Variants in SDE2 observed in about 807,000 individuals in gnomAD.
SDE2 encodes the protein spliceosome associated SDE2.
SDE2 carries 31 observed loss-of-function variants against 46.9 expected under a neutral mutation model. The ratio of observed to expected loss-of-function variants is 0.66; its 90% CI spans 0.50 to 0.89. SDE2 has a LOEUF of 0.89. SDE2 is among the 40% of genes least tolerant of loss of function. The pLI is 0.00. For missense variants in SDE2, 542 were observed against 564.4 expected (o/e 0.96, Z 0.40); for synonymous variants, 205 against 204.3 (o/e 1.00, Z -0.03).
intron 1 of SDE2, among the ~76,000 whole-genome samples, chr1:225,996,399 G>GA (rs1656527114): frequency 6.6e-6 from 1 of 152,098 alleles, no homozygotes; most frequent in Non-Finnish European, 1.5e-5. Context: ...TATGAAGGCA[G>GA]AAAGTATACA....
chr1:225,994,584 C>T (rs1656478176), intron 2 of SDE2, among the ~76,000 whole-genome samples: 1 of 152,214 alleles, frequency 6.6e-6, no homozygotes, highest in Non-Finnish European at 1.5e-5. Flanking sequence ...AAACCTTAAT[C>T]TGCCTCAACT....
In SDE2 at chr1:225,985,393, C is replaced by T. The variant is rs545737099; in HGVS notation, c.1265G>A (p.Arg422Gln). ...TCTGACAGAGAAGAGTCTTGCTGCC[C>T]GCTCCTGCAGAGTGCCCCCACATTT... Reference protein sequence around the residue: ...GLKCGGTLQERAARLFSVRGL... With the variant: ...GLKCGGTLQEQAARLFSVRGL... Residue 422 changes from arginine to glutamine, a missense_variant, in exon 7 of 7, where the codon CGG becomes CAG. Physicochemically the swap from Arg to Gln is conservative, Grantham distance 43. Coordinates refer to ENST00000272091, the MANE Select transcript of SDE2 (RefSeq NM_152608.4). 12 of 1,614,146 alleles carry T rather than the reference C, an allele frequency of 7.4e-6. No individual in the cohort carries two copies. Among genetic ancestry groups the T allele is most frequent in the East Asian group, 4.5e-5 (2 of 44,884 alleles).
Position 225,985,327 on chromosome 1 carries a change from T to C in SDE2, c.1331A>G (p.Lys444Arg), listed in dbSNP as rs974863736. Reference protein sequence around the residue: ...KEQIDPALFAKPLKGKKK With the variant: ...KEQIDPALFARPLKGKKK ...TCATTTTTTCTTCCCTTTCAAAGGC[T>C]TGGCAAATAAAGCCGGGTCAATTTG... Residue 444 changes from lysine to arginine, a missense_variant, in exon 7 of 7, where the codon AAG becomes AGG. By Grantham distance (26) the Lys-to-Arg change is conservative. Transcript: ENST00000272091. 2 of 1,614,056 alleles carry C rather than the reference T, an allele frequency of 1.2e-6. No homozygotes were observed. Among genetic ancestry groups the C allele is most frequent in the Non-Finnish European group, 1.7e-6 (2 of 1,179,988 alleles).
intron 1 of SDE2, among the ~76,000 whole-genome samples, chr1:225,997,156 G>A (rs969041474): frequency 4.6e-5 from 7 of 151,984 alleles, no homozygotes; most frequent in African/African-American, 1.7e-4. Context: ...TGTAGTGTGG[G>A]GGAAACAAAA....
Position 225,985,316 on chromosome 1 carries a change from C to T in SDE2, c.1342G>A (p.Gly448Arg), listed in dbSNP as rs775082237. 6.2e-7 allele frequency: 1 copy of T among 1,613,742 alleles called. No homozygotes were observed. Among genetic ancestry groups the T allele is most frequent in the Non-Finnish European group, 8.5e-7 (1 of 1,179,770 alleles). The change falls in exon 7 of 7, where the codon GGG becomes AGG. Residue 448 changes from glycine (G) to arginine (R), a missense_variant. By Grantham distance (125) the Gly-to-Arg change is moderately radical. Around this residue, in one of 3 missense-constraint regions of SDE2, gnomAD observed 401 missense variants for 437.8 expected, o/e 0.92. Coordinates refer to ENST00000272091, the MANE Select transcript of SDE2 (RefSeq NM_152608.4). The stretch of plus-strand genomic sequence containing the variant: ...TCTGATGATACTCATTTTTTCTTCC[C>T]TTTCAAAGGCTTGGCAAATAAAGCC... Reference protein sequence around the residue: ...DPALFAKPLKGKKK With the variant: ...DPALFAKPLKRKKK
chr1:225,988,381 T>C lies in SDE2; in HGVS notation c.649A>G (p.Met217Val). Reference sequence around the variant, plus strand: ...CCTTCTGCAGTCTCTAGTCCCTCCATGCCCAACCTGTCAGAAGCAACAGAA... The same window carrying C: ...CCTTCTGCAGTCTCTAGTCCCTCCACGCCCAACCTGTCAGAAGCAACAGAA... ...AGKRRCFWLG[M>V]EGLETAEGSN... Residue 217 changes from methionine (M) to valine (V), a missense_variant, in exon 6 of 7, where the codon ATG becomes GTG. Met to Val is a conservative substitution (Grantham distance 21, BLOSUM62 1). Coordinates refer to ENST00000272091, the MANE Select transcript of SDE2 (RefSeq NM_152608.4). The C allele has an allele frequency of 6.2e-7, 1 of 1,613,708 alleles. No individual in the cohort carries two copies. Among genetic ancestry groups the C allele is most frequent in the South Asian group, 1.1e-5 (1 of 91,070 alleles).
chr1:225,989,734 G>A (rs538970988), intron 5 of SDE2, among the ~76,000 whole-genome samples: 2 of 151,676 alleles, frequency 1.3e-5, no homozygotes, highest in Non-Finnish European at 2.9e-5. Flanking sequence ...GTTTTACAGA[G>A]GTGTTTCCCA....
intron 1 of SDE2, among the ~76,000 whole-genome samples, chr1:225,998,051 C>T (rs1447470950): frequency 6.6e-6 from 1 of 151,912 alleles, no homozygotes; most frequent in Non-Finnish European, 1.5e-5. Flanking sequence ...CGCTTGAACT[C>T]AGCGAGGCGG....
rs755371974 is a variant in SDE2, at chr1:225,995,344, C to T, written c.160G>A (p.Ala54Thr). 6.2e-7 allele frequency: 1 copy of T among 1,612,144 alleles called. No homozygotes were observed. The highest frequency in any genetic ancestry group is 8.5e-7 in the Non-Finnish European group (1 of 1,178,400). ...ACTGTGTCACTGGTGTTAATGAGTG[C>T]TCCATTGCATTTCACAAAGAAGTTT... ...VENFFVKCNG[A>T]LINTSDTVQH... Residue 54 changes from alanine (A) to threonine (T), a missense_variant, in exon 2 of 7, where the codon GCA becomes ACA. Ala to Thr is a moderately conservative substitution (Grantham distance 58). Transcript: ENST00000272091.
In SDE2 at chr1:225,988,004, A is replaced by T; in HGVS notation, c.1026T>A (p.Asp342Glu). 6.2e-7 allele frequency: 1 copy of T among 1,614,036 alleles called. No homozygotes were observed. The highest frequency in any genetic ancestry group is 8.5e-7 in the Non-Finnish European group (1 of 1,179,988). The change falls in exon 6 of 7, where the codon GAT (aspartate) becomes GAA (glutamate). Residue 342 changes from aspartate (D) to glutamate (E), a missense_variant. By Grantham distance (45) the Asp-to-Glu change is conservative. Around this residue, in one of 3 missense-constraint regions of SDE2, gnomAD observed 401 missense variants for 437.8 expected, o/e 0.92. Transcript: ENST00000272091. ...EEPTGAGLNK[D>E]KETEERTDGE... ...CATCAGTCCTTTCTTCTGTCTCTTTATCCTTATTCAGTCCAGCCCCAGTGG... is the reference window on the plus strand; with the variant it reads ...CATCAGTCCTTTCTTCTGTCTCTTTTTCCTTATTCAGTCCAGCCCCAGTGG...
At chr1:225,992,163 G>C (rs935937218) in intron 4 of SDE2, among the ~76,000 whole-genome samples, 2 of 152,000 alleles carry the variant, frequency 1.3e-5, no homozygotes, top group African/African-American at 4.8e-5. Flanking sequence ...CTGGGCAACA[G>C]ACCAAGACTC....
chr1:225,991,426 T>G, intron 4 of SDE2, 63 bp from the exon 5 acceptor site: 1 of 1,361,176 alleles, frequency 7.3e-7, no homozygotes, highest in Admixed American at 2.0e-5. Flanking sequence ...AAATCATAAA[T>G]AACATGGATT....
At chr1:225,992,869 C>CA in intron 3 of SDE2, 22 bp downstream of exon 3, 1 of 1,413,206 alleles carries the variant, frequency 7.1e-7, no homozygotes, top group Non-Finnish European at 1.0e-6. Context: ...CTCAAAAACA[C>CA]AAAAAAAGGT....
chr1:225,985,605 G>T, intron 6 of SDE2, 82 bp from the exon 7 acceptor site: 1 of 880,328 alleles, frequency 1.1e-6, no homozygotes, highest in Non-Finnish European at 1.8e-6. Flanking sequence ...TACATTTCTT[G>T]AGAAATTTTC....
intron 1 of SDE2, among the ~76,000 whole-genome samples, chr1:225,996,734 T>C (rs1249819291): frequency 6.6e-6 from 1 of 152,134 alleles, no homozygotes; most frequent in Non-Finnish European, 1.5e-5. Flanking sequence ...AGGAGTGTCA[T>C]TACAAGATTT....
At position 225,999,260 on chromosome 1, in the gene SDE2, T is replaced by C. The variant is rs1215642671; in HGVS notation, c.53A>G (p.Lys18Arg). 5 of 1,613,296 alleles carry C rather than the reference T, an allele frequency of 3.1e-6. No individual in the cohort carries two copies. The highest frequency in any genetic ancestry group is 1.7e-5 in the Admixed American group (1 of 59,956). ...CCGACCCGAGGCACACCGCACCGCC[T>C]TGCACCCGAAGCCAGGGCCGCGAAT... is the stretch of plus-strand genomic sequence containing the variant. ...VWIRGPGFGC[K>R]AVRCASGRCT... Residue 18 changes from lysine (K) to arginine (R), a missense_variant, in exon 1 of 7, where the codon AAG becomes AGG. By Grantham distance (26) the Lys-to-Arg change is conservative (BLOSUM62 2). This residue lies in a region of SDE2 where 135 missense variants were observed against 106.5 expected (regional missense o/e 1.27). Coordinates refer to ENST00000272091, the MANE Select transcript of SDE2 (RefSeq NM_152608.4).
At chr1:225,991,983 A>C (rs1656410428) in intron 4 of SDE2, among the ~76,000 whole-genome samples, 1 of 152,226 alleles carries the variant, frequency 6.6e-6, no homozygotes, top group Non-Finnish European at 1.5e-5. Flanking sequence ...GTTTGAGACC[A>C]GCCTGGCCAA....
At chr1:225,995,209 T>C (rs1656494508) in intron 2 of SDE2, 57 bp downstream of exon 2, 4 of 874,254 alleles carry the variant, frequency 4.6e-6, no homozygotes, top group Non-Finnish European at 7.6e-6. Flanking sequence ...AATATGAAAA[T>C]AAATGAATAA....
Position 225,984,674 on chromosome 1 carries a change from G to A in SDE2, c.*628C>T, listed in dbSNP as rs1656230273. ...AAATATAAAAAATTAGCCGGGCGTG[G>A]TGGTGGGAGCCTGTAGTCCCAGCTA... On this transcript the variant is annotated 3_prime_UTR_variant, in exon 7 of 7. Coordinates refer to ENST00000272091, the MANE Select transcript of SDE2 (RefSeq NM_152608.4). 1 of 152,268 alleles carries A rather than the reference G, an allele frequency of 6.6e-6. No homozygotes were observed. The allele number at this position is 152,268 out of a possible 1,614,324, so 9.4% of individuals were successfully genotyped here.
Sources: gnomAD v4.1 joint callset for allele counts (sites outside exome capture counted in the v4.1 genomes callset) on GRCh38, gnomAD v4.1.1 for gene constraint, gnomAD v4.1.1 regional missense constraint, MANE v1.5 for transcripts, NCBI Gene and HGNC (gene_info 2026-07-23, HGNC 2026-07-21) for gene names.